Variants in FMR1NB observed in about 807,000 individuals in gnomAD.
FMR1NB encodes the protein FMR1 neighbor.
A neutral mutation model predicts 16.8 loss-of-function variants in FMR1NB; 10 were observed. The ratio of observed to expected loss-of-function variants is 0.60; its 90% CI spans 0.37 to 1.01. The LOEUF is 1.01. Ranked by LOEUF, FMR1NB falls within the 50% of genes least tolerant of loss-of-function variation. The pLI is 0.01. For missense variants in FMR1NB, 205 were observed against 204.8 expected (o/e 1.00, Z 0.00); for synonymous variants, 83 against 79.1 (o/e 1.05, Z -0.26).
At chrX:147,991,301 C>T (rs781906171) in intron 1 of FMR1NB, among the ~76,000 whole-genome samples, 2 of 109,681 alleles carry the variant, frequency 1.8e-5, no homozygotes, top group African/African-American at 6.6e-5. Context: ...TTCATCTCCT[C>T]TTCATAGTCC....
intron 1 of FMR1NB, among the ~76,000 whole-genome samples, chrX:147,982,818 C>T (rs184380461): frequency 0.011 from 1,178 of 110,463 alleles, 9 homozygotes; most frequent in Non-Finnish European, 0.016. Context: ...GGCATGGACC[C>T]GGAAGGCGGA....
At chrX:148,000,676 CAAAAT>C (rs2044566172) in intron 1 of FMR1NB, among the ~76,000 whole-genome samples, 1 of 111,478 alleles carries the variant, frequency 9.0e-6, no homozygotes, top group Admixed American at 9.6e-5. Flanking sequence ...CAAAATGAAA[CAAAAT>C]AACAACAGAA....
chrX:148,018,949 A>C (rs1442657129), intron 4 of FMR1NB, among the ~76,000 whole-genome samples: 1 of 111,774 alleles, frequency 8.9e-6, no homozygotes, highest in Non-Finnish European at 1.9e-5. Flanking sequence ...AATATCCAGA[A>C]TCTACAATGA....
At chrX:147,997,771 A>G (rs2044549646) in intron 1 of FMR1NB, among the ~76,000 whole-genome samples, 1 of 112,258 alleles carries the variant, frequency 8.9e-6, no homozygotes, top group African/African-American at 3.2e-5. Context: ...AGAGAAAAAA[A>G]AACCATCAAA....
At chrX:147,983,263 GA>G (rs1206606832) in intron 1 of FMR1NB, among the ~76,000 whole-genome samples, 2 of 111,858 alleles carry the variant, frequency 1.8e-5, no homozygotes, top group Non-Finnish European at 3.8e-5. Flanking sequence ...AATTCTCTAG[GA>G]GTAGAATTGC....
chrX:147,988,777 TTTC>T (rs1433901271), intron 1 of FMR1NB, among the ~76,000 whole-genome samples: 2 of 111,573 alleles, frequency 1.8e-5, no homozygotes, highest in African/African-American at 3.3e-5. Flanking sequence ...CCTAATATCC[TTTC>T]TTCTTCTTGA....
chrX:147,984,126 G>A (rs2124609297), intron 1 of FMR1NB, among the ~76,000 whole-genome samples: 1 of 112,029 alleles, frequency 8.9e-6, no homozygotes, highest in Non-Finnish European at 1.9e-5. Flanking sequence ...CAGCTTTATA[G>A]CAAGTTTAGA....
intron 1 of FMR1NB, among the ~76,000 whole-genome samples, chrX:148,000,935 C>T (rs2044567275): frequency 9.0e-6 from 1 of 111,585 alleles, no homozygotes; most frequent in South Asian, 3.7e-4. Context: ...GAGACAAAGT[C>T]ATCTATATTT....
intron 1 of FMR1NB, among the ~76,000 whole-genome samples, chrX:147,985,784 T>C (rs963707563): frequency 4.5e-5 from 5 of 112,227 alleles, no homozygotes; most frequent in Non-Finnish European, 7.5e-5. Context: ...AACATACATG[T>C]GCATGTGTCT....
intron 1 of FMR1NB, among the ~76,000 whole-genome samples, chrX:147,983,146 A>G (rs2044459575): frequency 9.0e-6 from 1 of 111,567 alleles, no homozygotes; most frequent in Non-Finnish European, 1.9e-5. Context: ...CTATATTTTT[A>G]TCTAGTTTTT....
intron 1 of FMR1NB, among the ~76,000 whole-genome samples, chrX:147,998,959 A>G (rs1358202615): frequency 1.8e-5 from 2 of 112,211 alleles, no homozygotes; most frequent in Non-Finnish European, 3.8e-5. Context: ...CTTTCATTTC[A>G]ATGCCCATTG....
chrX:147,999,337 G>C (rs1557188462), intron 1 of FMR1NB, among the ~76,000 whole-genome samples: 1 of 111,858 alleles, frequency 8.9e-6, no homozygotes, highest in African/African-American at 3.2e-5. Flanking sequence ...TGACGAAGGG[G>C]AACACTGAGC....
intron 2 of FMR1NB, among the ~76,000 whole-genome samples, chrX:148,004,651 C>A (rs782255588): frequency 8.9e-6 from 1 of 112,093 alleles, no homozygotes; most frequent in East Asian, 2.8e-4. Context: ...AACACTCTTA[C>A]CACTTAAGCA....
intron 4 of FMR1NB, among the ~76,000 whole-genome samples, chrX:148,018,978 G>GA (rs1438678285): frequency 1.8e-5 from 2 of 111,334 alleles, no homozygotes; most frequent in Admixed American, 1.9e-4. Flanking sequence ...AAATTTACAA[G>GA]AAAAAAACAA....
intron 1 of FMR1NB, among the ~76,000 whole-genome samples, chrX:148,002,394 C>T (rs2044575211): frequency 9.0e-6 from 1 of 111,023 alleles, no homozygotes; most frequent in Non-Finnish European, 1.9e-5. Flanking sequence ...TTTAGGGTTG[C>T]CCTGCTGGAG....
At chrX:148,025,268 AAAG>A (rs1557190921) in intron 5 of FMR1NB, among the ~76,000 whole-genome samples, 1 of 111,414 alleles carries the variant, frequency 9.0e-6, no homozygotes, top group Admixed American at 9.5e-5. Flanking sequence ...CAGAGGGAGA[AAAG>A]AAGTTGATCC....
At chrX:148,003,451 C>CT in intron 2 of FMR1NB, 131 bp downstream of exon 2, 1 of 703,166 alleles carries the variant, frequency 1.4e-6, no homozygotes, top group Middle Eastern at 3.5e-4. Context: ...TGGCTCTGCT[C>CT]TTTGGCTTAG....
At chrX:148,008,755 T>C in intron 4 of FMR1NB, 44 bp downstream of exon 4, 3 of 1,040,730 alleles carry the variant, frequency 2.9e-6, no homozygotes, top group South Asian at 2.0e-5. Context: ...TAAGTATACA[T>C]GAGTATTTGT....
chrX:147,992,204 A>T (rs2044510473), intron 1 of FMR1NB, among the ~76,000 whole-genome samples: 1 of 105,772 alleles, frequency 9.5e-6, no homozygotes, highest in African/African-American at 3.5e-5. Context: ...GTGGCCGGGC[A>T]GAGGGGCTCC....
Sources: allele counts gnomAD v4.1 joint callset (sites outside exome capture counted in the v4.1 genomes callset), GRCh38; gene constraint gnomAD v4.1.1; transcripts MANE v1.5; gene names NCBI Gene and HGNC (gene_info 2026-07-23, HGNC 2026-07-21).